The following SLC10A1 variants were observed in gnomAD, a reference collection of about 807,000 sequenced individuals.
The protein encoded by SLC10A1 is solute carrier family 10 member 1.
Under a neutral mutation model 20.5 loss-of-function variants are expected in SLC10A1, and 36 were observed. The ratio of observed to expected loss-of-function variants is 1.75; its 90% CI spans 1.34 to 2.32. The LOEUF is 2.32. SLC10A1 is among the 30% of genes most tolerant of loss of function. The pLI is 0.00. For synonymous variants in SLC10A1, 188 were observed against 163.6 expected, an observed-to-expected ratio of 1.15 and a Z score of -1.14; for missense variants, 545 against 439.1, an observed-to-expected ratio of 1.24 and a Z score of -2.16.
At position 69,779,336 on chromosome 14, in the gene SLC10A1, A is replaced by G. The variant is rs200051350; in HGVS notation, c.592T>C (p.Cys198Arg). ...IKGGMIIILL[C>R]SVAVTVLSAI... The stretch of plus-strand genomic sequence containing the variant: ...GAGAGAACTGTGACGGCCACACTGC[A>G]CAAGAGAATGATGATCATCCCTCCC... Residue 198 changes from cysteine to arginine, a missense_variant, in exon 3 of 5, where the codon TGC (cysteine) becomes CGC (arginine). By Grantham distance (180) the Cys-to-Arg change is radical. Coordinates refer to ENST00000216540, the MANE Select transcript of SLC10A1 (RefSeq NM_003049.4). 5.2e-5 allele frequency: 84 copies of G among 1,613,374 alleles called. No individual in the cohort carries two copies. The highest frequency in any genetic ancestry group is 7.0e-5 in the Non-Finnish European group (82 of 1,179,568).
intron 3 of SLC10A1, 91 bp from the exon 4 acceptor site, chr14:69,778,620 G>T: frequency 8.9e-7 from 1 of 1,126,732 alleles, no homozygotes; most frequent in Non-Finnish European, 1.3e-6. Context: ...TTTCGCAGCA[G>T]ATGGAATCTA....
At chr14:69,780,502 ATATG>A (rs1270445835) in intron 2 of SLC10A1, among the ~76,000 whole-genome samples, 2 of 116,802 alleles carry the variant, frequency 1.7e-5, no homozygotes, top group Non-Finnish European at 4.3e-5. Context: ...AAAAAGTAAA[ATATG>A]TATAGCAAAG....
rs955034466 is a variant in SLC10A1 at position 69,789,769 on chromosome 14, C to G, written c.357-3462G>C. Among the ~76,000 whole-genome samples, 18 of 151,786 alleles carry G rather than the reference C, an allele frequency of 1.2e-4. 1 individual carries two copies. The highest frequency in any genetic ancestry group is 1.2e-3 in the Admixed American group (18 of 15,244). On this transcript the variant is annotated intron_variant, in intron 1 of 4. Transcript: ENST00000216540. ...CAATTATTAAAGGGCAATTTATAGCCTAACATATTTATATTGAAAAAGAAG... is the reference window on the plus strand; with the variant it reads ...CAATTATTAAAGGGCAATTTATAGCGTAACATATTTATATTGAAAAAGAAG...
At chr14:69,793,095 C>G (rs1882311627) in intron 1 of SLC10A1, among the ~76,000 whole-genome samples, 1 of 152,182 alleles carries the variant, frequency 6.6e-6, no homozygotes, top group Non-Finnish European at 1.5e-5. Context: ...AAAAGCCAAA[C>G]ACAACTTGTG....
intron 2 of SLC10A1, among the ~76,000 whole-genome samples, chr14:69,784,267 G>T (rs1295134561): frequency 2.6e-5 from 4 of 152,216 alleles, no homozygotes; most frequent in Non-Finnish European, 4.4e-5. Context: ...AGCTGACAGA[G>T]AAGGCTTTTG....
In SLC10A1 at chr14:69,776,328, C is replaced by T. The variant is rs769036919; in HGVS notation, c.1004G>A (p.Gly335Glu). 3.7e-6 allele frequency: 6 copies of T among 1,613,664 alleles called. No individual in the cohort carries two copies. The African/African-American group carries it at 4.0e-5, about 11-fold the overall frequency. Residue 335 changes from glycine (G) to glutamate (E), a missense_variant, in exon 5 of 5, where the codon GGA becomes GAA. Coordinates refer to ENST00000216540, the MANE Select transcript of SLC10A1 (RefSeq NM_003049.4). ...GTCCTCCCCTTTGTAGGTGCCATTT[C>T]CCAGAGCTCCTGGAATTGTTTCTTC... is the stretch of plus-strand genomic sequence containing the variant. ...TTEETIPGAL[G>E]NGTYKGEDCS...
At position 69,779,188 on chromosome 14, in the gene SLC10A1, T is replaced by A; in HGVS notation, c.740A>T (p.Asn247Ile). 3 of 1,584,942 alleles carry A rather than the reference T, an allele frequency of 1.9e-6. No individual in the cohort carries two copies. The change falls in exon 3 of 5, where the codon AAT (asparagine) becomes ATT (isoleucine). Residue 247 changes from asparagine (N) to isoleucine (I), a missense_variant. Physicochemically the swap from Asn to Ile is moderately radical, Grantham distance 149 (BLOSUM62 -3). Coordinates refer to ENST00000216540, the MANE Select transcript of SLC10A1 (RefSeq NM_003049.4). ...GYVLSALFCL[N>I]GRCRRTVSME... ...AAAAAAAAAAAATACCTACCGTCCA[T>A]TGAGGCAGAAGAGAGCAGAGAGAAC...
intron 2 of SLC10A1, among the ~76,000 whole-genome samples, chr14:69,785,461 T>C (rs1214200390): frequency 6.6e-6 from 1 of 152,204 alleles, no homozygotes; most frequent in East Asian, 1.9e-4. Flanking sequence ...CTCAAGCCCT[T>C]CCTTTTTAAT....
chr14:69,779,309 C>T lies in SLC10A1; in HGVS notation c.619G>A (p.Ala207Thr), dbSNP rs200602006. 4 of 1,613,754 alleles carry T rather than the reference C, an allele frequency of 2.5e-6. No individual in the cohort carries two copies. Among genetic ancestry groups the T allele is most frequent in the South Asian group, 2.2e-5 (2 of 91,048 alleles). Residue 207 changes from alanine (A) to threonine (T), a missense_variant, in exon 3 of 5, where the codon GCC becomes ACC. Coordinates refer to ENST00000216540, the MANE Select transcript of SLC10A1 (RefSeq NM_003049.4). ...ATGATGCTCTTCCCCACATTGATGG[C>T]AGAGAGAACTGTGACGGCCACACTG... is the stretch of plus-strand genomic sequence containing the variant. ...LCSVAVTVLS[A>T]INVGKSIMFA... is the part of the protein sequence containing the mutation.
chr14:69,787,371 C>T (rs1883743960), intron 1 of SLC10A1, among the ~76,000 whole-genome samples: 1 of 152,178 alleles, frequency 6.6e-6, no homozygotes, highest in Admixed American at 6.5e-5. Flanking sequence ...GATTTATGGA[C>T]ATTTACATTA....
intron 1 of SLC10A1, among the ~76,000 whole-genome samples, chr14:69,790,878 G>T (rs551181201): frequency 1.4e-4 from 21 of 152,000 alleles, no homozygotes; most frequent in Non-Finnish European, 2.9e-4. Context: ...GTCCACAGAA[G>T]AAATCTAAGT....
intron 3 of SLC10A1, among the ~76,000 whole-genome samples, chr14:69,778,767 A>G (rs1053039505): frequency 2.6e-5 from 4 of 152,162 alleles, no homozygotes; most frequent in African/African-American, 9.7e-5. Context: ...ATCTGAACAT[A>G]TTGCCAGGAA....
chr14:69,787,867 C>T (rs1169373149), intron 1 of SLC10A1, among the ~76,000 whole-genome samples: 1 of 152,044 alleles, frequency 6.6e-6, no homozygotes, highest in African/African-American at 2.4e-5. Flanking sequence ...CCTGTCTCTA[C>T]ACACAAACAA....
intron 1 of SLC10A1, 75 bp downstream of exon 1, chr14:69,796,725 A>G: frequency 7.9e-7 from 1 of 1,266,686 alleles, no homozygotes; most frequent in Non-Finnish European, 1.1e-6. Flanking sequence ...GCTTTAGCCC[A>G]GCTCTTCCCC....
chr14:69,780,455 A>G (rs1883564703), intron 2 of SLC10A1, among the ~76,000 whole-genome samples: 1 of 152,206 alleles, frequency 6.6e-6, no homozygotes, highest in Non-Finnish European at 1.5e-5. Context: ...TGGTTCATTC[A>G]CATGTGTTGC....
chr14:69,776,056 A>T lies in SLC10A1; in HGVS notation c.*226T>A. 1 of 547,540 alleles carries T rather than the reference A, an allele frequency of 1.8e-6. No individual in the cohort carries two copies. Among genetic ancestry groups the T allele is most frequent in the Non-Finnish European group, 3.2e-6 (1 of 308,532 alleles). The allele number at this position is 547,540 out of a possible 1,614,324, so 33.9% of individuals were successfully genotyped here. A position where few individuals can be genotyped will look rare whatever the true frequency, so the allele number is the denominator to read the frequency against. ...GGTTTCATAGAGTTTACAGTCACTG[A>T]ACAAGTCTTTAAAATAAGTAGCAAA... On this transcript the variant is annotated 3_prime_UTR_variant, in exon 5 of 5. Transcript: ENST00000216540.
At chr14:69,787,472 C>CGT (rs1883746964) in intron 1 of SLC10A1, among the ~76,000 whole-genome samples, 2 of 150,940 alleles carry the variant, frequency 1.3e-5, no homozygotes, top group African/African-American at 4.9e-5. Context: ...CTCAGTGTGT[C>CGT]CCTCCTCCTC....
chr14:69,785,663 C>T (rs1883694113), intron 2 of SLC10A1, among the ~76,000 whole-genome samples: 1 of 148,346 alleles, frequency 6.7e-6, no homozygotes, highest in African/African-American at 2.5e-5. Flanking sequence ...GTGGCGCGAT[C>T]TCGGCTCACT....
chr14:69,786,320 A>G lies in SLC10A1; in HGVS notation c.357-13T>C, dbSNP rs771824359. 5 of 1,610,300 alleles carry G rather than the reference A, an allele frequency of 3.1e-6. No individual in the cohort carries two copies. Among genetic ancestry groups the G allele is most frequent in the African/African-American group, 2.7e-5 (2 of 74,856 alleles). The stretch of plus-strand genomic sequence containing the variant: ...GGTCATCACAATGCTGGTGGGAGAC[A>G]TGGGAAGAGGGGAGAGAGAGAGAGC... On this transcript the variant is annotated splice_polypyrimidine_tract_variant and intron_variant, in intron 1 of 4. Transcript: ENST00000216540.
Sources: allele counts gnomAD v4.1 joint callset (sites outside exome capture counted in the v4.1 genomes callset), GRCh38; gene constraint gnomAD v4.1.1; transcripts MANE v1.5; gene names NCBI Gene and HGNC (gene_info 2026-07-23, HGNC 2026-07-21).